Variants in CDKAL1 observed in about 807,000 individuals in gnomAD.
The protein encoded by CDKAL1 is CDKAL1 threonylcarbamoyladenosine tRNA methylthiotransferase.
In CDKAL1, 32 loss-of-function variants were observed where a neutral mutation model predicts 68.2. That is an observed-to-expected ratio of 0.47 (90% CI 0.35 to 0.63). The LOEUF (loss-of-function observed/expected upper bound fraction) is 0.63. Among genes scored for constraint, CDKAL1 ranks in the 30% least tolerant of loss-of-function variants. CDKAL1 has a pLI of 0.00. For missense variants in CDKAL1, 606 were observed against 696.7 expected (o/e 0.87, Z 1.47); for synonymous variants, 234 against 244.3 (o/e 0.96, Z 0.39).
At chr6:21,013,766 A>G (rs1768147271) in intron 11 of CDKAL1, among the ~76,000 whole-genome samples, 2 of 152,240 alleles carry the variant, frequency 1.3e-5, no homozygotes, top group Admixed American at 1.3e-4. Context: ...GTGACAAACG[A>G]GTATCACACT....
intron 4 of CDKAL1, among the ~76,000 whole-genome samples, chr6:20,602,371 T>C (rs1290922006): frequency 6.6e-6 from 1 of 152,188 alleles, no homozygotes; most frequent in Non-Finnish European, 1.5e-5. Context: ...AAAATTTTTC[T>C]TTTCATTATA....
At chr6:20,672,334 G>C (rs1032744059) in intron 5 of CDKAL1, among the ~76,000 whole-genome samples, 8 of 129,424 alleles carry the variant, frequency 6.2e-5, no homozygotes, top group Non-Finnish European at 8.1e-5. Flanking sequence ...TTCTCTCTCT[G>C]TCTCTCTCTC....
At chr6:20,989,401 A>G (rs1766668096) in intron 10 of CDKAL1, among the ~76,000 whole-genome samples, 1 of 152,220 alleles carries the variant, frequency 6.6e-6, no homozygotes, top group Non-Finnish European at 1.5e-5. Flanking sequence ...TCACTAGGCC[A>G]TTTTTCTGTG....
intron 5 of CDKAL1, among the ~76,000 whole-genome samples, chr6:20,702,721 C>G (rs958387682): frequency 2.6e-5 from 4 of 152,122 alleles, no homozygotes; most frequent in Non-Finnish European, 1.5e-5. Flanking sequence ...CTGCTAGGGT[C>G]TCGGGGTTTT....
chr6:20,750,951 GAAAAAAAAAAA>G (rs59244637), intron 6 of CDKAL1, among the ~76,000 whole-genome samples: 13 of 47,074 alleles, frequency 2.8e-4, no homozygotes, highest in Admixed American at 8.2e-4. Flanking sequence ...GCAACAGAGT[GAAAAAAAAAAA>G]AAAAAAAAAA....
At chr6:20,794,509 A>G (rs539422317) in intron 8 of CDKAL1, among the ~76,000 whole-genome samples, 2 of 152,282 alleles carry the variant, frequency 1.3e-5, no homozygotes, top group South Asian at 2.1e-4. Flanking sequence ...TTTGTAAAAT[A>G]CTTAATAAGT....
intron 5 of CDKAL1, among the ~76,000 whole-genome samples, chr6:20,716,198 T>A (rs796947946): frequency 9.2e-5 from 14 of 152,280 alleles, no homozygotes; most frequent in African/African-American, 3.1e-4. Flanking sequence ...AACTAAATAT[T>A]TTCAAAATAA....
At chr6:20,762,401 A>G (rs1370016547) in intron 7 of CDKAL1, among the ~76,000 whole-genome samples, 2 of 152,180 alleles carry the variant, frequency 1.3e-5, no homozygotes, top group Non-Finnish European at 2.9e-5. Flanking sequence ...GGAAGGAATA[A>G]TTTTGATAGC....
rs548820939 is a variant in CDKAL1, at chr6:20,687,373, C to T, written c.371+37996C>T. ...TTAATAGATATAGGCCTATTCACAT[C>T]GTCTTTTTCTTCTTACATGAGTTTT... On this transcript the variant is annotated intron_variant, in intron 5 of 15. Transcript: ENST00000274695. Among the ~76,000 whole-genome samples the T allele has an allele frequency of 8.5e-5, 13 of 152,110 alleles. No individual in the cohort carries two copies. In the South Asian group the frequency reaches 1.2e-3, roughly 15 times the overall value.
In CDKAL1 at chr6:21,091,857, C is replaced by CTTTTTTTTTTTTTTTT. The variant is rs70990099; in HGVS notation, c.1237-16512_1237-16497dup. On this transcript the variant is annotated intron_variant, in intron 12 of 15. Coordinates refer to ENST00000274695, the MANE Select transcript of CDKAL1 (RefSeq NM_017774.3). ...AATGCAGCAACAGGCTCAGAACTTTCTTTTTTTTTTTTTTTTTTTTTTTTT... is the reference window on the plus strand; with the variant it reads ...AATGCAGCAACAGGCTCAGAACTTTCTTTTTTTTTTTTTTTTTTTTTTTTTTTTTTTTTTTTTTTTT... Among the ~76,000 whole-genome samples, 6 of 70,538 alleles carry CTTTTTTTTTTTTTTTT rather than the reference C, an allele frequency of 8.5e-5. 1 individual carries two copies. The highest frequency in any genetic ancestry group is 7.8e-5 in the Non-Finnish European group (3 of 38,602). The allele number at this position is 70,538 out of a possible 152,430, so 46.3% of individuals were successfully genotyped here. A position where few individuals can be genotyped will look rare whatever the true frequency, so the allele number is the denominator to read the frequency against.
intron 9 of CDKAL1, among the ~76,000 whole-genome samples, chr6:20,885,765 G>T (rs568295527): frequency 8.5e-5 from 13 of 152,146 alleles, no homozygotes; most frequent in Admixed American, 7.2e-4. Context: ...TTTGATACAG[G>T]TTTAATTTCT....
intron 4 of CDKAL1, among the ~76,000 whole-genome samples, chr6:20,597,963 T>G (rs922173020): frequency 6.6e-6 from 1 of 152,210 alleles, no homozygotes; most frequent in African/African-American, 2.4e-5. Flanking sequence ...AAGTTTCCAC[T>G]ACTGAGTGTT....
At chr6:20,548,868 A>G (rs1763708379) in intron 4 of CDKAL1, among the ~76,000 whole-genome samples, 163 bp downstream of exon 4, 1 of 152,236 alleles carries the variant, frequency 6.6e-6, no homozygotes, top group African/African-American at 2.4e-5. Flanking sequence ...TCATATTTAA[A>G]AAAACTTTTT....
At chr6:21,042,738 C>T (rs1161708047) in intron 11 of CDKAL1, among the ~76,000 whole-genome samples, 1 of 152,162 alleles carries the variant, frequency 6.6e-6, no homozygotes, top group African/African-American at 2.4e-5. Context: ...AATCATCTTA[C>T]TGATGTACCG....
intron 12 of CDKAL1, among the ~76,000 whole-genome samples, chr6:21,095,030 A>T (rs1432088899): frequency 6.6e-6 from 1 of 152,192 alleles, no homozygotes; most frequent in Non-Finnish European, 1.5e-5. Flanking sequence ...TCTTCCAATG[A>T]AAAAAACAGA....
At chr6:21,121,602 C>G (rs533391624) in intron 13 of CDKAL1, among the ~76,000 whole-genome samples, 1 of 152,302 alleles carries the variant, frequency 6.6e-6, no homozygotes, top group East Asian at 1.9e-4. Context: ...ATCTAGCACA[C>G]AGTAAGTGCT....
At chr6:20,924,046 A>G (rs1434205960) in intron 9 of CDKAL1, among the ~76,000 whole-genome samples, 2 of 151,656 alleles carry the variant, frequency 1.3e-5, no homozygotes, top group Non-Finnish European at 2.9e-5. Context: ...AAGGCGTGTC[A>G]AAAGCCAAGG....
intron 5 of CDKAL1, among the ~76,000 whole-genome samples, chr6:20,713,371 C>T (rs373819637): frequency 6.6e-6 from 1 of 152,076 alleles, no homozygotes; most frequent in Non-Finnish European, 1.5e-5. Flanking sequence ...AAATAATACT[C>T]GTATCTTAAT....
chr6:20,862,660 T>TGCGCGCGTGCACGCGCGC (rs372549461), intron 9 of CDKAL1, among the ~76,000 whole-genome samples: 35 of 147,222 alleles, frequency 2.4e-4, no homozygotes, highest in Non-Finnish European at 4.5e-4. Context: ...TGTGTGTGTG[T>TGCGCGCGTGCACGCGCGC]GTGCGCGCGT....
Sources: gnomAD v4.1 joint callset for allele counts (sites outside exome capture counted in the v4.1 genomes callset) on GRCh38, gnomAD v4.1.1 for gene constraint, MANE v1.5 for transcripts, NCBI Gene and HGNC (gene_info 2026-07-23, HGNC 2026-07-21) for gene names.